The following SLITRK5 variants were observed in gnomAD, a reference collection of about 807,000 sequenced individuals.
SLITRK5 encodes SLIT and NTRK-like protein 5.
Under a neutral mutation model 56.2 loss-of-function variants are expected in SLITRK5, and 23 were observed. The ratio of observed to expected loss-of-function variants is 0.41; its 90% confidence interval spans 0.29 to 0.58. The LOEUF is 0.58. Ranked by LOEUF, SLITRK5 falls within the 20% of genes least tolerant of loss-of-function variation. The probability of loss-of-function intolerance (pLI) is 0.30; values close to 1 mark genes in which losing one functional copy is unlikely to be tolerated. For missense variants in SLITRK5, 1,289 were observed against 1,226.6 expected (o/e 1.05, Z -0.76); for synonymous variants, 637 against 531.8 (o/e 1.20, Z -2.72).
Position 87,677,499 on chromosome 13 carries a change from A to G in SLITRK5, c.2111A>G (p.Asn704Ser). The G allele has an allele frequency of 6.2e-7, 1 of 1,611,126 alleles. No individual in the cohort carries two copies. Among genetic ancestry groups the G allele is most frequent in the South Asian group, 1.1e-5 (1 of 91,016 alleles). ...CAGAGCGACCACACCAGCACCAACA[A>G]CTCCGACGTGAGCTCCTTTAACATG... ...KNQSDHTSTN[N>S]SDVSSFNMQY... Residue 704 changes from asparagine to serine, a missense_variant, in exon 2 of 2, where the codon AAC becomes AGC. Transcript: ENST00000683689. This position sits in a 1 kb window ranked among gnomAD's most constrained non-coding sequence, Gnocchi z 4.7.
chr13:87,679,062 T>A lies in SLITRK5; in HGVS notation c.*797T>A, dbSNP rs1459579864. 6.0e-6 allele frequency: 1 copy of A among 166,812 alleles called. No homozygotes were observed. Among genetic ancestry groups the A allele is most frequent in the Non-Finnish European group, 1.5e-5 (1 of 68,108 alleles). 10.3% of individuals were successfully genotyped at this position (166,812 alleles called of 1,614,324 possible). On this transcript the variant is annotated 3_prime_UTR_variant, in exon 2 of 2. Transcript: ENST00000683689. ...TTTAGCCTATGATTTTGCAGAGGTG[T>A]CACACTGTATTAGGATCTGCATTTC...
rs75503844 is a variant in SLITRK5 at position 87,676,998 on chromosome 13, G to A, written c.1610G>A (p.Ser537Asn). 5 of 1,613,884 alleles carry A rather than the reference G, an allele frequency of 3.1e-6. No individual in the cohort carries two copies. Among genetic ancestry groups the A allele is most frequent in the African/African-American group, 2.7e-5 (2 of 74,910 alleles). The change falls in exon 2 of 2, where the codon AGT (serine) becomes AAT (asparagine). Residue 537 changes from serine to asparagine, a missense_variant. Ser to Asn is a conservative substitution (Grantham distance 46). Transcript: ENST00000683689. ...GLTLLRLNLR[S>N]NHFTSLPVSG... ...ACCCTCCTCAGGCTAAACCTGAGGA[G>A]TAACCACTTCACCTCCTTGCCAGTG...
In SLITRK5 at chr13:87,677,794, G is replaced by T. The variant is rs1877358509; in HGVS notation, c.2406G>T (p.Pro802=). 1 of 1,608,584 alleles carries T rather than the reference G, an allele frequency of 6.2e-7. No homozygotes were observed. The highest frequency in any genetic ancestry group is 1.3e-5 in the African/African-American group (1 of 74,744). ...LQQQQQPPPP[P]QQPQQQPPPQ... is the part of the protein sequence containing the mutation. ...AGCAGCAGCAGCCGCCGCCGCCACC[G>T]CAGCAGCCACAGCAGCAGCCCCCGC... The change falls in exon 2 of 2, where the codon CCG becomes CCT. Residue 802 remains proline, a synonymous_variant. Coordinates refer to ENST00000683689, the MANE Select transcript of SLITRK5 (RefSeq NM_001384609.1). The surrounding 1 kb of genome is among the most constrained non-coding windows in gnomAD (Gnocchi z 4.7).
rs200487397 is a variant in SLITRK5 at position 87,676,821 on chromosome 13, A to G, written c.1433A>G (p.Tyr478Cys). 2.5e-4 allele frequency: 399 copies of G among 1,613,980 alleles called. No homozygotes were observed. The highest frequency in any genetic ancestry group is 3.1e-4 in the Non-Finnish European group (369 of 1,180,038). Residue 478 changes from tyrosine to cysteine, a missense_variant, in exon 2 of 2, where the codon TAT becomes TGT. This residue lies in a region of SLITRK5 where 985 missense variants were observed against 906.0 expected (regional missense o/e 1.09). Transcript: ENST00000683689. ...RIERLSPELF[Y>C]GLQSLQYLFL... ...GAGAGGCTGAGCCCGGAGTTATTCT[A>G]TGGCCTGCAGAGCCTGCAGTATCTC...
rs1374258652 is a variant in SLITRK5 at position 87,676,868 on chromosome 13, C to T, written c.1480C>T (p.Arg494Cys). 6.2e-7 allele frequency: 1 copy of T among 1,614,104 alleles called. No individual in the cohort carries two copies. The highest frequency in any genetic ancestry group is 8.5e-7 in the Non-Finnish European group (1 of 1,180,016). The change falls in exon 2 of 2, where the codon CGC becomes TGC. Residue 494 changes from arginine (R) to cysteine (C), a missense_variant. Physicochemically the swap from Arg to Cys is radical, Grantham distance 180 (BLOSUM62 -3). This residue lies in a region of SLITRK5 where 985 missense variants were observed against 906.0 expected (regional missense o/e 1.09). Coordinates refer to ENST00000683689, the MANE Select transcript of SLITRK5 (RefSeq NM_001384609.1). ...TCTCTTCCTCCAGTACAATCTCATC[C>T]GCGAGATTCAGTCTGGAACTTTTGA... Reference protein sequence around the residue: ...QYLFLQYNLIREIQSGTFDPV... With the variant: ...QYLFLQYNLICEIQSGTFDPV...
In SLITRK5 at chr13:87,671,992, T is replaced by C. The variant is rs1224842334; in HGVS notation, c.-226T>C. ...CTGCAAGAAGAAGGCGGGAGATGCATGCACACCCCCGCGACCCGCTCCCTC... is the reference window on the plus strand; with the variant it reads ...CTGCAAGAAGAAGGCGGGAGATGCACGCACACCCCCGCGACCCGCTCCCTC... On this transcript the variant is annotated 5_prime_UTR_variant, in exon 1 of 2. It removes an upstream start codon present in the reference 5' UTR. Coordinates refer to ENST00000683689, the MANE Select transcript of SLITRK5 (RefSeq NM_001384609.1). 6.6e-6 allele frequency among the ~76,000 whole-genome samples: 1 copy of C among 151,992 alleles called. No individual in the cohort carries two copies. The highest frequency in any genetic ancestry group is 1.5e-5 in the Non-Finnish European group (1 of 67,998).
Position 87,675,936 on chromosome 13 carries a change from T to A in SLITRK5, c.548T>A (p.Ile183Asn). 1 of 1,614,192 alleles carries A rather than the reference T, an allele frequency of 6.2e-7. No homozygotes were observed. Among genetic ancestry groups the A allele is most frequent in the Non-Finnish European group, 8.5e-7 (1 of 1,180,040 alleles). The change falls in exon 2 of 2, where the codon ATC (isoleucine) becomes AAC (asparagine). Residue 183 changes from isoleucine to asparagine, a missense_variant. Coordinates refer to ENST00000683689, the MANE Select transcript of SLITRK5 (RefSeq NM_001384609.1). ...FGKLHLLQVL[I>N]LNDNLLSSLP... The stretch of plus-strand genomic sequence containing the variant: ...AAACTGCATTTGTTGCAGGTGCTTA[T>A]CCTCAATGACAATCTTTTGTCCAGT...
In SLITRK5 at chr13:87,678,141, G is replaced by C. The variant is rs747580203; in HGVS notation, c.2753G>C (p.Ser918Thr). The C allele has an allele frequency of 3.5e-5, 57 of 1,614,090 alleles. No homozygotes were observed. The highest frequency in any genetic ancestry group is 4.7e-5 in the Non-Finnish European group (55 of 1,180,062). Residue 918 changes from serine to threonine, a missense_variant, in exon 2 of 2, where the codon AGC becomes ACC. Ser to Thr is a moderately conservative substitution (Grantham distance 58, BLOSUM62 1). Coordinates refer to ENST00000683689, the MANE Select transcript of SLITRK5 (RefSeq NM_001384609.1). Reference sequence around the variant, plus strand: ...AGGCTACGGGAACCGGTGCTCTACAGCCCCCCGAGTGCTGTCTTTGTAGAA... The same window carrying C: ...AGGCTACGGGAACCGGTGCTCTACACCCCCCCGAGTGCTGTCTTTGTAGAA... ...DSRLREPVLYSPPSAVFVEPN... is the reference protein window; with the variant it reads ...DSRLREPVLYTPPSAVFVEPN...
rs1877332786 is a variant in SLITRK5 at position 87,677,471 on chromosome 13, A to G, written c.2083A>G (p.Asn695Asp). The G allele has an allele frequency of 6.2e-7, 1 of 1,612,114 alleles. No individual in the cohort carries two copies. Among genetic ancestry groups the G allele is most frequent in the Non-Finnish European group, 8.5e-7 (1 of 1,179,968 alleles). Residue 695 changes from asparagine (N) to aspartate (D), a missense_variant, in exon 2 of 2, where the codon AAC (asparagine) becomes GAC (aspartate). Physicochemically the swap from Asn to Asp is conservative, Grantham distance 23. Coordinates refer to ENST00000683689, the MANE Select transcript of SLITRK5 (RefSeq NM_001384609.1). The surrounding 1 kb of genome is among the most constrained non-coding windows in gnomAD (Gnocchi z 4.7). Reference protein sequence around the residue: ...FVLVMKRRKKNQSDHTSTNNS... With the variant: ...FVLVMKRRKKDQSDHTSTNNS... ...GCTGGTCATGAAGCGCAGGAAGAAG[A>G]ACCAGAGCGACCACACCAGCACCAA...
At position 87,677,745 on chromosome 13, in the gene SLITRK5, A is replaced by G; in HGVS notation, c.2357A>G (p.Tyr786Cys). The change falls in exon 2 of 2, where the codon TAC becomes TGC. Residue 786 changes from tyrosine (Y) to cysteine (C), a missense_variant. Around this residue, in one of 3 missense-constraint regions of SLITRK5, gnomAD observed 985 missense variants for 906.0 expected, o/e 1.09. Coordinates refer to ENST00000683689, the MANE Select transcript of SLITRK5 (RefSeq NM_001384609.1). The surrounding 1 kb of genome is among the most constrained non-coding windows in gnomAD (Gnocchi z 4.7). The part of the protein sequence containing the change: ...YKDLHELKVT[Y>C]SSNHHLQQQQ... ...GACCTGCACGAGCTCAAGGTCACCT[A>G]CAGCAGCAACCACCACCTGCAGCAG... The G allele has an allele frequency of 6.2e-6, 10 of 1,612,890 alleles. No homozygotes were observed. Among genetic ancestry groups the G allele is most frequent in the Non-Finnish European group, 8.5e-6 (10 of 1,179,420 alleles).
At position 87,676,619 on chromosome 13, in the gene SLITRK5, C is replaced by T. The variant is rs1429990844; in HGVS notation, c.1231C>T (p.Pro411Ser). The change falls in exon 2 of 2, where the codon CCC becomes TCC. Residue 411 changes from proline to serine, a missense_variant. Physicochemically the swap from Pro to Ser is moderately conservative, Grantham distance 74. This residue lies in a region of SLITRK5 where 985 missense variants were observed against 906.0 expected (regional missense o/e 1.09). Coordinates refer to ENST00000683689, the MANE Select transcript of SLITRK5 (RefSeq NM_001384609.1). ...IAELQPKPYN[P>S]KKMYLTENYI... ...TGAACTGCAGCCCAAGCCCTACAAT[C>T]CCAAGAAAATGTATCTGACAGAGAA... 1 of 1,614,050 alleles carries T rather than the reference C, an allele frequency of 6.2e-7. No homozygotes were observed. The highest frequency in any genetic ancestry group is 8.5e-7 in the Non-Finnish European group (1 of 1,180,036).
Position 87,676,795 on chromosome 13 carries a change from C to T in SLITRK5, c.1407C>T (p.Ile469=). ...GCCTCTACCTGAATGGCAACAGGAT[C>T]GAGAGGCTGAGCCCGGAGTTATTCT... ...LRRLYLNGNR[I]ERLSPELFYG... Residue 469 remains isoleucine (I), a synonymous_variant, in exon 2 of 2, where the codon ATC becomes ATT. Coordinates refer to ENST00000683689, the MANE Select transcript of SLITRK5 (RefSeq NM_001384609.1). The T allele has an allele frequency of 6.2e-7, 1 of 1,614,056 alleles. No homozygotes were observed. Among genetic ancestry groups the T allele is most frequent in the Non-Finnish European group, 8.5e-7 (1 of 1,180,016 alleles).
At position 87,678,908 on chromosome 13, in the gene SLITRK5, A is replaced by G. The variant is rs1275326513; in HGVS notation, c.*643A>G. On this transcript the variant is annotated 3_prime_UTR_variant, in exon 2 of 2. Coordinates refer to ENST00000683689, the MANE Select transcript of SLITRK5 (RefSeq NM_001384609.1). ...AAAGGATCACCATAGATGTGGACAA[A>G]TCATTAAAATTACAGAGCTATATGA... 1.2e-5 allele frequency: 2 copies of G among 166,972 alleles called. No homozygotes were observed. The highest frequency in any genetic ancestry group is 2.9e-5 in the Non-Finnish European group (2 of 68,106). The allele number at this position is 166,972 out of a possible 1,614,324, so 10.3% of individuals were successfully genotyped here. A position where few individuals can be genotyped will look rare whatever the true frequency, so the allele number is the denominator to read the frequency against.
rs766675071 is a variant in SLITRK5 at position 87,677,910 on chromosome 13, G to A, written c.2522G>A (p.Arg841Gln). The change falls in exon 2 of 2, where the codon CGG (arginine) becomes CAG (glutamine). Residue 841 changes from arginine to glutamine, a missense_variant. Physicochemically the swap from Arg to Gln is conservative, Grantham distance 43. Coordinates refer to ENST00000683689, the MANE Select transcript of SLITRK5 (RefSeq NM_001384609.1). The surrounding 1 kb of genome is among the most constrained non-coding windows in gnomAD (Gnocchi z 4.7). ...PAYSVSTIEP[R>Q]EDLLSPVQDA... ...TACAGCGTCAGCACCATCGAGCCCC[G>A]GGAGGACCTGCTGTCGCCGGTGCAG... The A allele has an allele frequency of 8.1e-6, 13 of 1,613,436 alleles. No homozygotes were observed. Among genetic ancestry groups the A allele is most frequent in the African/African-American group, 4.0e-5 (3 of 74,910 alleles).
chr13:87,673,080 T>C (rs1877113311), intron 1 of SLITRK5, among the ~76,000 whole-genome samples: 1 of 151,634 alleles, frequency 6.6e-6, no homozygotes, highest in African/African-American at 2.4e-5. Context: ...CGGTGCGGCC[T>C]GGGTGCTGGG....
At position 87,678,077 on chromosome 13, in the gene SLITRK5, C is replaced by G; in HGVS notation, c.2689C>G (p.Arg897Gly). ...YTFSPNYDLR[R>G]PHQYLHPGAG... Reference sequence around the variant, plus strand: ...TTTCTCCCCCAACTATGACCTGAGACGCCCCCATCAGTATTTGCACCCGGG... The same window carrying G: ...TTTCTCCCCCAACTATGACCTGAGAGGCCCCCATCAGTATTTGCACCCGGG... Residue 897 changes from arginine (R) to glycine (G), a missense_variant, in exon 2 of 2, where the codon CGC becomes GGC. Arg to Gly is a moderately radical substitution (Grantham distance 125, BLOSUM62 -2). Transcript: ENST00000683689. The G allele has an allele frequency of 1.2e-6, 2 of 1,614,122 alleles. No homozygotes were observed. The highest frequency in any genetic ancestry group is 1.7e-6 in the Non-Finnish European group (2 of 1,179,954).
In SLITRK5 at chr13:87,676,519, G is replaced by T. The variant is rs1261174372; in HGVS notation, c.1131G>T (p.Ala377=). The change falls in exon 2 of 2, where the codon GCG becomes GCT. Residue 377 remains alanine, a synonymous_variant. Transcript: ENST00000683689. The stretch of plus-strand genomic sequence containing the variant: ...CGGTGCCTTTGGAGTGTCCCACCGC[G>T]TGCTCTTGCAACCTGCAGATCTCTG... ...KSPVPLECPT[A]CSCNLQISDL... 1.2e-6 allele frequency: 2 copies of T among 1,613,956 alleles called. No homozygotes were observed. The highest frequency in any genetic ancestry group is 1.7e-5 in the Admixed American group (1 of 59,988).
chr13:87,674,837 C>T (rs1405270852), intron 1 of SLITRK5, among the ~76,000 whole-genome samples: 1 of 151,952 alleles, frequency 6.6e-6, no homozygotes, highest in African/African-American at 2.4e-5. Context: ...CTTTAGGTTC[C>T]CACCGTGGCA....
Position 87,676,771 on chromosome 13 carries a change from C to A in SLITRK5, c.1383C>A (p.Arg461=), listed in dbSNP as rs141612303. ...RAFGDLTNLR[R]LYLNGNRIER... is the part of the protein sequence containing the mutation. ...TCGGGGATCTCACCAACCTGAGGCGCCTCTACCTGAATGGCAACAGGATCG... is the reference window on the plus strand; with the variant it reads ...TCGGGGATCTCACCAACCTGAGGCGACTCTACCTGAATGGCAACAGGATCG... The change falls in exon 2 of 2, where the codon CGC becomes CGA. Residue 461 remains arginine (R), a synonymous_variant. Coordinates refer to ENST00000683689, the MANE Select transcript of SLITRK5 (RefSeq NM_001384609.1). 3.3e-5 allele frequency: 54 copies of A among 1,614,028 alleles called. No homozygotes were observed. Among genetic ancestry groups the A allele is most frequent in the Non-Finnish European group, 4.5e-5 (53 of 1,180,038 alleles).
Sources: allele counts gnomAD v4.1 joint callset (sites outside exome capture counted in the v4.1 genomes callset), GRCh38; gene constraint gnomAD v4.1.1; regional missense constraint gnomAD v4.1.1; non-coding constraint Gnocchi (gnomAD v3.1); transcripts MANE v1.5; gene names NCBI Gene and HGNC (gene_info 2026-07-23, HGNC 2026-07-21).